C17orf67: variants seen among roughly 807,000 people sequenced by gnomAD.
C17orf67 encodes the protein uncharacterized protein C17orf67.
C17orf67 carries 12 observed loss-of-function variants against 11.2 expected under a neutral mutation model. The ratio of observed to expected loss-of-function variants is 1.07; its 90% CI spans 0.68 to 1.73. The LOEUF (loss-of-function observed/expected upper bound fraction) is 1.73, where lower values mean the gene tolerates loss of function less well. Ranked by LOEUF, C17orf67 falls within the 40% of genes most tolerant of loss-of-function variation. The pLI, the probability that C17orf67 is intolerant of heterozygous loss-of-function variation, is 0.00. For synonymous variants in C17orf67, 59 were observed against 46.9 expected (o/e 1.26, Z -1.05); for missense variants, 115 against 113.5 (o/e 1.01, Z -0.06).
At chr17:56,802,284 T>G (rs887028362) in intron 6 of C17orf67, among the ~76,000 whole-genome samples, 2 of 152,046 alleles carry the variant, frequency 1.3e-5, no homozygotes, top group African/African-American at 4.8e-5. Flanking sequence ...GAGGCCAGGG[T>G]ATTCAATCCC....
chr17:56,805,465 G>GC (rs960833938), intron 6 of C17orf67, among the ~76,000 whole-genome samples: 3 of 152,152 alleles, frequency 2.0e-5, no homozygotes, highest in African/African-American at 7.2e-5. Flanking sequence ...CCCAGCAACA[G>GC]CCCACTGGTC....
intron 2 of C17orf67, among the ~76,000 whole-genome samples, chr17:56,828,022 T>C (rs1906085892): frequency 1.4e-5 from 2 of 148,110 alleles, no homozygotes; most frequent in Admixed American, 1.4e-4. Flanking sequence ...CCAGCCAATA[T>C]GGTGAAACCC....
Position 56,806,498 on chromosome 17 carries a change from A to C in C17orf67, c.156+8371T>G, listed in dbSNP as rs1905455789. Among the ~76,000 whole-genome samples the C allele has an allele frequency of 2.6e-5, 4 of 152,284 alleles. No homozygotes were observed. In the South Asian group the frequency reaches 8.3e-4, roughly 32 times the overall value. On this transcript the variant is annotated intron_variant, in intron 6 of 7. Coordinates refer to ENST00000397861, the MANE Select transcript of C17orf67 (RefSeq NM_001085430.4). The stretch of plus-strand genomic sequence containing the variant: ...CTTTTAGAAATTTACATGCATATCC[A>C]TGTACCTATATAAATACTGCATATA...
At chr17:56,825,565 A>G (rs1906005372) in intron 2 of C17orf67, among the ~76,000 whole-genome samples, 1 of 152,218 alleles carries the variant, frequency 6.6e-6, no homozygotes, top group Non-Finnish European at 1.5e-5. Flanking sequence ...TCTTTAACTA[A>G]ATCTGAGAAT....
At chr17:56,819,661 A>G (rs940642885) in intron 4 of C17orf67, among the ~76,000 whole-genome samples, 9 of 152,136 alleles carry the variant, frequency 5.9e-5, no homozygotes, top group Non-Finnish European at 1.5e-5. Flanking sequence ...ATGTTGTCCT[A>G]AAAGAAGCGA....
At chr17:56,819,564 G>A (rs1905847342) in intron 4 of C17orf67, among the ~76,000 whole-genome samples, 1 of 152,162 alleles carries the variant, frequency 6.6e-6, no homozygotes, top group Non-Finnish European at 1.5e-5. Context: ...ATCACACCCT[G>A]GGAGGCTGCT....
At chr17:56,807,891 AAAATAAATAAATAAT>A (rs1905492281) in intron 6 of C17orf67, among the ~76,000 whole-genome samples, 1 of 128,530 alleles carries the variant, frequency 7.8e-6, no homozygotes, top group African/African-American at 3.0e-5. Flanking sequence ...CCCTGTCTCA[AAAATAAATAAATAAT>A]AAATAAATAA....
At chr17:56,823,273 T>A (rs1418667069) in intron 4 of C17orf67, among the ~76,000 whole-genome samples, 2 of 152,162 alleles carry the variant, frequency 1.3e-5, no homozygotes, top group Non-Finnish European at 2.9e-5. Flanking sequence ...TCTGTTGGGA[T>A]GATTAAGCTT....
chr17:56,828,101 C>A (rs1207680253), intron 2 of C17orf67, among the ~76,000 whole-genome samples: 1 of 113,016 alleles, frequency 8.8e-6, no homozygotes, highest in African/African-American at 3.6e-5. Flanking sequence ...GAACAAGACT[C>A]AGTCTCAAAA....
At chr17:56,815,620 G>T in intron 5 of C17orf67, 136 bp downstream of exon 5, 2 of 659,114 alleles carry the variant, frequency 3.0e-6, no homozygotes, top group Non-Finnish European at 4.0e-6. Flanking sequence ...TACTCTTATG[G>T]AAAAATAAGA....
chr17:56,802,002 T>TTG (rs1905334087), intron 6 of C17orf67, among the ~76,000 whole-genome samples: 1 of 152,166 alleles, frequency 6.6e-6, no homozygotes, highest in African/African-American at 2.4e-5. Context: ...CAGCCTCAGT[T>TTG]TGTTCATCTG....
intron 6 of C17orf67, 126 bp downstream of exon 6, chr17:56,814,743 T>C: frequency 1.1e-6 from 1 of 878,540 alleles, no homozygotes; most frequent in Non-Finnish European, 1.9e-6. Flanking sequence ...ATTGCAGCTA[T>C]CTTCTACCTG....
At chr17:56,794,809 C>A (rs55688501) in intron 7 of C17orf67, among the ~76,000 whole-genome samples, 2 of 152,076 alleles carry the variant, frequency 1.3e-5, no homozygotes, top group Admixed American at 6.5e-5. Flanking sequence ...CCTCCCCATT[C>A]GGGATCACTT....
intron 6 of C17orf67, among the ~76,000 whole-genome samples, chr17:56,806,723 A>T (rs72837354): frequency 0.12 from 18,084 of 152,230 alleles, 1,162 homozygotes; most frequent in South Asian, 0.16. Context: ...GTAAGACAGG[A>T]AGTCATTGGC....
intron 4 of C17orf67, among the ~76,000 whole-genome samples, chr17:56,822,686 C>T (rs6503767): frequency 0.66 from 99,784 of 151,988 alleles, 32,993 homozygotes; most frequent in East Asian, 0.89. Flanking sequence ...ATTAATCACA[C>T]GTATTAAGAC....
chr17:56,812,280 G>A (rs1905648512), intron 6 of C17orf67, among the ~76,000 whole-genome samples: 1 of 152,214 alleles, frequency 6.6e-6, no homozygotes, highest in African/African-American at 2.4e-5. Flanking sequence ...GCCAGAGGGT[G>A]GTGGAGGCTG....
chr17:56,813,439 A>G (rs976603079), intron 6 of C17orf67, among the ~76,000 whole-genome samples: 6 of 151,766 alleles, frequency 4.0e-5, no homozygotes, highest in African/African-American at 1.5e-4. Context: ...CCAGACTTCA[A>G]TCATGGGCCC....
intron 2 of C17orf67, among the ~76,000 whole-genome samples, chr17:56,829,953 C>T (rs72837367): frequency 0.17 from 25,379 of 152,216 alleles, 2,477 homozygotes; most frequent in Middle Eastern, 0.24. Context: ...TTTATCAATA[C>T]TTTCGGTACT....
At chr17:56,819,117 C>G (rs1044772365) in intron 4 of C17orf67, among the ~76,000 whole-genome samples, 1 of 152,178 alleles carries the variant, frequency 6.6e-6, no homozygotes, top group African/African-American at 2.4e-5. Flanking sequence ...ACAACAGGAC[C>G]CTGTGTTTTT....
Sources: allele counts gnomAD v4.1 joint callset (sites outside exome capture counted in the v4.1 genomes callset), GRCh38; gene constraint gnomAD v4.1.1; transcripts MANE v1.5; gene names NCBI Gene and HGNC (gene_info 2026-07-23, HGNC 2026-07-21).